Variants in CHEK2 observed in about 807,000 individuals in gnomAD.
CHEK2 encodes checkpoint kinase 2.
CHEK2 carries 71 observed loss-of-function variants against 69.1 expected under a neutral mutation model. That is an observed-to-expected ratio of 1.03 (90% CI 0.85 to 1.25). The LOEUF is 1.25. Among genes scored for constraint, CHEK2 ranks in the 50% most tolerant of loss-of-function variants. The pLI is 0.00. For missense variants in CHEK2, 664 were observed against 649.6 expected (o/e 1.02, Z -0.24); for synonymous variants, 189 against 226.9 (o/e 0.83, Z 1.50).
At chr22:28,697,816 C>T (rs1049173096) in intron 9 of CHEK2, among the ~76,000 whole-genome samples, 1 of 151,930 alleles carries the variant, frequency 6.6e-6, no homozygotes, top group African/African-American at 2.4e-5. Flanking sequence ...GCTAAAGTGA[C>T]CTTCCCACCT....
rs730881696 is a variant in CHEK2 at position 28,734,526 on chromosome 22, C to T, written c.196G>A (p.Val66Met). 1.2e-6 allele frequency: 2 copies of T among 1,614,002 alleles called. No homozygotes were observed. The highest frequency in any genetic ancestry group is 1.7e-6 in the Non-Finnish European group (2 of 1,180,022). Residue 66 changes from valine (V) to methionine (M), a missense_variant, in exon 2 of 15, where the codon GTG becomes ATG. Transcript: ENST00000404276. ...SSGTLSSLET[V>M]STQELYSIPE... ...ATAGAATAGAGTTCCTGAGTGGACA[C>T]TGTCTCTAAGGAGCTCAGTGTCCCA...
Position 28,689,174 on chromosome 22 carries a change from C to A in CHEK2, c.1503G>T (p.Glu501Asp), listed in dbSNP as rs1060502721. The change falls in exon 14 of 15, where the codon GAG (glutamate) becomes GAT (aspartate). Residue 501 changes from glutamate (E) to aspartate (D), a missense_variant. Glu to Asp is a conservative substitution (Grantham distance 45). Coordinates refer to ENST00000404276, the MANE Select transcript of CHEK2 (RefSeq NM_007194.4). ...MKRKFQDLLSEENESTALPQV... is the reference protein window; with the variant it reads ...MKRKFQDLLSDENESTALPQV... ...GGGGTAGAGCTGTGGATTCATTTTC[C>A]TCAGACAGAAGATCTTGAAACTTTC... 1 of 1,595,160 alleles carries A rather than the reference C, an allele frequency of 6.3e-7. No individual in the cohort carries two copies. Among genetic ancestry groups the A allele is most frequent in the African/African-American group, 1.3e-5 (1 of 74,806 alleles).
intron 7 of CHEK2, among the ~76,000 whole-genome samples, chr22:28,706,779 C>T (rs899712050): frequency 6.6e-6 from 1 of 152,120 alleles, no homozygotes. Flanking sequence ...ATTAGCTGAG[C>T]CTGGTGGTGG....
intron 1 of CHEK2, among the ~76,000 whole-genome samples, 151 bp downstream of exon 1, chr22:28,741,618 A>G (rs2054558308): frequency 1.3e-5 from 2 of 152,120 alleles, no homozygotes. Context: ...CTCGAGGATG[A>G]TCTACTGAAA....
Position 28,703,553 on chromosome 22 carries a change from T to A in CHEK2, c.860A>T (p.Lys287Met), listed in dbSNP as rs876659184. ...TTCTGCATCAAAAAAGTTTTTAATC[T>A]TGATGATGCAAGGCTAAGAAGAGGG... ...LKKLNHPCIIKIKNFFDAEDY... is the reference protein window; with the variant it reads ...LKKLNHPCIIMIKNFFDAEDY... Residue 287 changes from lysine to methionine, a missense_variant, in exon 8 of 15, where the codon AAG (lysine) becomes ATG (methionine). Physicochemically the swap from Lys to Met is moderately conservative, Grantham distance 95. Coordinates refer to ENST00000404276, the MANE Select transcript of CHEK2 (RefSeq NM_007194.4). The A allele has an allele frequency of 1.3e-5, 20 of 1,560,942 alleles. No homozygotes were observed. The highest frequency in any genetic ancestry group is 1.8e-5 in the Non-Finnish European group (20 of 1,137,632).
intron 9 of CHEK2, among the ~76,000 whole-genome samples, chr22:28,699,362 CTTTTTTTTTTT>C (rs67508991): frequency 1.3e-5 from 1 of 78,042 alleles, no homozygotes; most frequent in Non-Finnish European, 2.4e-5. Flanking sequence ...AGAGCTTTTT[CTTTTTTTTTTT>C]TTTTTTTTTT....
chr22:28,693,432 C>T (rs2052440050), intron 13 of CHEK2, among the ~76,000 whole-genome samples: 1 of 152,126 alleles, frequency 6.6e-6, no homozygotes, highest in Non-Finnish European at 1.5e-5. Context: ...CTGGATTCTC[C>T]CCAGGGAGGC....
chr22:28,728,224 A>T (rs1403642505), intron 2 of CHEK2: 1 of 152,186 alleles, frequency 6.6e-6, no homozygotes, highest in East Asian at 1.9e-4. Context: ...AAGAGACAAG[A>T]CTCAAATTAC....
At chr22:28,726,635 C>G (rs977649417) in intron 2 of CHEK2, among the ~76,000 whole-genome samples, 10 of 147,108 alleles carry the variant, frequency 6.8e-5, no homozygotes, top group African/African-American at 2.5e-4. Flanking sequence ...CATACACATA[C>G]ATATATATAT....
intron 4 of CHEK2, chr22:28,721,583 C>T (rs748023426): frequency 2.6e-5 from 12 of 457,746 alleles, no homozygotes; most frequent in East Asian, 2.1e-4. Flanking sequence ...CACCGCGCCC[C>T]GCCGTATTTT....
chr22:28,724,736 T>C (rs2053924838), intron 4 of CHEK2: 1 of 493,058 alleles, frequency 2.0e-6, no homozygotes, highest in South Asian at 1.9e-5. Flanking sequence ...CCGGCTTATT[T>C]TGTATTTTTA....
At chr22:28,720,020 G>A (rs1479094073) in intron 4 of CHEK2, among the ~76,000 whole-genome samples, 7 of 151,872 alleles carry the variant, frequency 4.6e-5, no homozygotes, top group Non-Finnish European at 1.0e-4. Context: ...TATTTGTAAA[G>A]CTAGGTAAAT....
intron 2 of CHEK2, 25 bp from the exon 3 acceptor site, chr22:28,725,392 AGGGC>A (rs1352610860): frequency 6.2e-7 from 1 of 1,613,968 alleles, no homozygotes; most frequent in South Asian, 1.1e-5. Context: ...CATGCATCAG[AGGGC>A]TGTTGAATTT....
chr22:28,733,335 C>T (rs1464669847), intron 2 of CHEK2, among the ~76,000 whole-genome samples: 3 of 152,142 alleles, frequency 2.0e-5, no homozygotes, highest in African/African-American at 7.2e-5. Flanking sequence ...ATAATGTTTG[C>T]AAGTTTGAGT....
At chr22:28,719,287 C>A in intron 5 of CHEK2, 108 bp downstream of exon 5, 1 of 598,752 alleles carries the variant, frequency 1.7e-6, no homozygotes. Flanking sequence ...AGATACCATA[C>A]AAATGTTATC....
intron 7 of CHEK2, among the ~76,000 whole-genome samples, chr22:28,709,774 G>GC (rs2053315434): frequency 6.6e-6 from 1 of 152,010 alleles, no homozygotes. Context: ...GTGCCACCAT[G>GC]CCCAGCTAAA....
intron 5 of CHEK2, among the ~76,000 whole-genome samples, chr22:28,713,531 G>C (rs1238955012): frequency 4.0e-5 from 6 of 151,848 alleles, no homozygotes; most frequent in Non-Finnish European, 8.8e-5. Context: ...TAATCTTTTT[G>C]TATTTTTAGT....
At chr22:28,701,377 A>G (rs1473643003) in intron 8 of CHEK2, among the ~76,000 whole-genome samples, 1 of 151,304 alleles carries the variant, frequency 6.6e-6, no homozygotes, top group African/African-American at 2.4e-5. Flanking sequence ...ATGCCTGGCT[A>G]ATTTTTGTAT....
chr22:28,697,526 A>C (rs1484455316), intron 9 of CHEK2, among the ~76,000 whole-genome samples: 1 of 151,976 alleles, frequency 6.6e-6, no homozygotes. Context: ...TATAAAAATG[A>C]ACAAACACCA....
Sources: allele counts gnomAD v4.1 joint callset (sites outside exome capture counted in the v4.1 genomes callset), GRCh38; gene constraint gnomAD v4.1.1; transcripts MANE v1.5; gene names NCBI Gene and HGNC (gene_info 2026-07-23, HGNC 2026-07-21).